GALNT13: variants seen among roughly 807,000 people sequenced by gnomAD.
GALNT13 encodes polypeptide N-acetylgalactosaminyltransferase 13.
Under a neutral mutation model 64.2 loss-of-function variants are expected in GALNT13, and 28 were observed. The ratio of observed to expected loss-of-function variants is 0.44; its 90% CI spans 0.32 to 0.60. The LOEUF is 0.60. Ranked by LOEUF, GALNT13 falls within the 20% of genes least tolerant of loss-of-function variation. GALNT13 has a pLI of 0.05. For missense variants in GALNT13, 577 were observed against 669.8 expected (o/e 0.86, Z 1.53); for synonymous variants, 214 against 224.6 (o/e 0.95, Z 0.42).
intron 3 of GALNT13, among the ~76,000 whole-genome samples, chr2:154,139,642 A>G (rs907046898): frequency 3.3e-5 from 5 of 151,394 alleles, no homozygotes; most frequent in African/African-American, 1.2e-4. Flanking sequence ...ACACACACAC[A>G]CACACACACA....
chr2:153,308,250 T>C, the GALNT13 span, among the ~76,000 whole-genome samples: 20,996 of 152,188 alleles, frequency 0.14, 1,734 homozygotes, highest in Non-Finnish European at 0.18. Flanking sequence ...AAGGGAATCT[T>C]TCTGAAATGT....
chr2:154,191,148 C>A (rs1290636523), intron 4 of GALNT13, among the ~76,000 whole-genome samples: 1 of 152,134 alleles, frequency 6.6e-6, no homozygotes, highest in Non-Finnish European at 1.5e-5. Context: ...AACAAGGCTG[C>A]CTGCTCTAAT....
chr2:154,291,903 T>G (rs1371066663), intron 8 of GALNT13, among the ~76,000 whole-genome samples: 1 of 152,246 alleles, frequency 6.6e-6, no homozygotes, highest in Non-Finnish European at 1.5e-5. Flanking sequence ...ATGTTTGAGA[T>G]AAATCTTCTG....
At chr2:154,119,249 T>C (rs1048946423) in intron 3 of GALNT13, among the ~76,000 whole-genome samples, 3 of 152,178 alleles carry the variant, frequency 2.0e-5, no homozygotes, top group East Asian at 1.9e-4. Flanking sequence ...ACTTTGAATA[T>C]ATTATTCAAA....
chr2:153,944,191 C>G (rs1260434874), intron 2 of GALNT13, among the ~76,000 whole-genome samples: 1 of 152,032 alleles, frequency 6.6e-6, no homozygotes, highest in Non-Finnish European at 1.5e-5. Flanking sequence ...AGAGTAGTGG[C>G]AGATCTAGTA....
the GALNT13 span, among the ~76,000 whole-genome samples, chr2:153,383,986 C>A: frequency 8.5e-5 from 12 of 140,818 alleles, no homozygotes; most frequent in Non-Finnish European, 1.7e-4. Context: ...GACCTTGGGG[C>A]AGAAGTTTTG....
intron 9 of GALNT13, among the ~76,000 whole-genome samples, chr2:154,313,450 A>T (rs199853115): frequency 2.2e-5 from 3 of 138,926 alleles, no homozygotes; most frequent in Admixed American, 7.3e-5. Flanking sequence ...ACACACACAC[A>T]ATATATATAT....
the GALNT13 span, among the ~76,000 whole-genome samples, chr2:153,109,936 A>G: frequency 1.3e-5 from 2 of 152,108 alleles, no homozygotes; most frequent in African/African-American, 2.4e-5. Flanking sequence ...ATTTGTGTAT[A>G]TGACATCCTA....
chr2:153,840,944 G>A, the GALNT13 span, among the ~76,000 whole-genome samples: 1 of 151,100 alleles, frequency 6.6e-6, no homozygotes, highest in East Asian at 1.9e-4. Context: ...GCCTTTTTTG[G>A]GTATGTAACC....
At chr2:154,051,322 C>G (rs553483102) in intron 3 of GALNT13, among the ~76,000 whole-genome samples, 1 of 123,228 alleles carries the variant, frequency 8.1e-6, no homozygotes, top group East Asian at 2.6e-4. Context: ...CTCGCTCTGT[C>G]GCCCAGGCCG....
intron 4 of GALNT13, among the ~76,000 whole-genome samples, chr2:154,178,044 T>C (rs1259892631): frequency 6.6e-6 from 1 of 152,192 alleles, no homozygotes; most frequent in Non-Finnish European, 1.5e-5. Flanking sequence ...TATTTGCTCT[T>C]GAGAACTCTG....
chr2:153,917,628 A>T (rs10198740), intron 2 of GALNT13, among the ~76,000 whole-genome samples: 2 of 151,866 alleles, frequency 1.3e-5, no homozygotes, highest in Non-Finnish European at 2.9e-5. Context: ...ACATCCACTG[A>T]AATGAAACAG....
At chr2:153,108,892 A>G in the GALNT13 span, among the ~76,000 whole-genome samples, 1 of 152,178 alleles carries the variant, frequency 6.6e-6, no homozygotes, top group Non-Finnish European at 1.5e-5. Flanking sequence ...AAGACATTTC[A>G]TTCAATAAGT....
chr2:153,356,528 T>A, the GALNT13 span: 1 of 152,314 alleles, frequency 6.6e-6, no homozygotes, highest in South Asian at 2.1e-4. Flanking sequence ...TTTTGTTCTA[T>A]CTCCTAGTGC....
At chr2:153,118,147 C>CACACACACA in the GALNT13 span, among the ~76,000 whole-genome samples, 24,875 of 140,024 alleles carry the variant, frequency 0.18, 2,767 homozygotes, top group Middle Eastern at 0.22. Flanking sequence ...ACACACACAC[C>CACACACACA]CCACATAAAC....
At chr2:153,508,782 G>C in the GALNT13 span, among the ~76,000 whole-genome samples, 1 of 152,182 alleles carries the variant, frequency 6.6e-6, no homozygotes, top group Non-Finnish European at 1.5e-5. Flanking sequence ...TGGAGCAAAA[G>C]CTCATGATGT....
At chr2:153,267,067 G>A in the GALNT13 span, among the ~76,000 whole-genome samples, 1 of 152,246 alleles carries the variant, frequency 6.6e-6, no homozygotes, top group African/African-American at 2.4e-5. Flanking sequence ...CCCCATGCAA[G>A]TTTGAAACCC....
At chr2:153,078,870 TA>T in the GALNT13 span, among the ~76,000 whole-genome samples, 1 of 152,134 alleles carries the variant, frequency 6.6e-6, no homozygotes, top group Non-Finnish European at 1.5e-5. Flanking sequence ...AATTTCTTAA[TA>T]GAATGCATTG....
At chr2:154,153,101 G>T (rs1684157756) in intron 4 of GALNT13, among the ~76,000 whole-genome samples, 1 of 152,146 alleles carries the variant, frequency 6.6e-6, no homozygotes, top group South Asian at 2.1e-4. Context: ...ACGTACAGAT[G>T]GGTTTTTGGT....
Sources: allele counts gnomAD v4.1 joint callset (sites outside exome capture counted in the v4.1 genomes callset), GRCh38; gene constraint gnomAD v4.1.1; transcripts MANE v1.5; gene names NCBI Gene and HGNC (gene_info 2026-07-23, HGNC 2026-07-21).